The following MAGI1 variants were observed in gnomAD, a reference collection of about 807,000 sequenced individuals.
MAGI1 encodes membrane associated guanylate kinase, WW and PDZ domain containing 1, also known as membrane-associated guanylate kinase, WW and PDZ domain-containing protein 1.
MAGI1 carries 58 observed loss-of-function variants against 139.9 expected under a neutral mutation model. That is an observed-to-expected ratio of 0.41 (90% CI 0.34 to 0.52). MAGI1 has a LOEUF of 0.52. MAGI1 is among the 20% of genes least tolerant of loss of function. MAGI1 has a pLI of 0.12. For missense variants in MAGI1, 1,874 were observed against 1,901.6 expected (o/e 0.99, Z 0.27); for synonymous variants, 812 against 737.9 (o/e 1.10, Z -1.63).
At chr3:65,609,897 G>A (rs560220364) in intron 2 of MAGI1, 1 of 49,268 alleles carries the variant, frequency 2.0e-5, no homozygotes, top group East Asian at 3.1e-4. Flanking sequence ...TTTTTAAAGG[G>A]TCTCTGTTAG....
chr3:65,879,727 G>A (rs1383437931), intron 1 of MAGI1, among the ~76,000 whole-genome samples: 2 of 152,098 alleles, frequency 1.3e-5, no homozygotes, highest in Non-Finnish European at 2.9e-5. Context: ...GGAGCAAAAT[G>A]GTAGCATTAT....
In MAGI1 at chr3:66,038,009, C is replaced by A; in HGVS notation, c.300G>T (p.Lys100Asn). ...IDSCKEAVTF[K>N]AVRQGGRLNK... ...GCCCTGCCTTACCTTGTCTGACGGC[C>A]TTGAAGGTGACGGCCTCCTTGCAGC... is the stretch of plus-strand genomic sequence containing the variant. Residue 100 changes from lysine to asparagine, a missense_variant, in exon 1 of 23, where the codon AAG becomes AAT. Physicochemically the swap from Lys to Asn is moderately conservative, Grantham distance 94. This residue lies in a region of MAGI1 where 648 missense variants were observed against 598.1 expected (regional missense o/e 1.08). Coordinates refer to ENST00000402939, the MANE Select transcript of MAGI1 (RefSeq NM_001033057.2). The A allele has an allele frequency of 6.3e-7, 1 of 1,589,784 alleles. No individual in the cohort carries two copies. Among genetic ancestry groups the A allele is most frequent in the South Asian group, 1.1e-5 (1 of 87,172 alleles).
intron 1 of MAGI1, among the ~76,000 whole-genome samples, chr3:66,007,538 TA>T (rs1407998870): frequency 6.6e-6 from 1 of 152,156 alleles, no homozygotes; most frequent in African/African-American, 2.4e-5. Flanking sequence ...CTCAAGAGCA[TA>T]AATGTGCAGG....
At chr3:66,011,168 G>C (rs908838308) in intron 1 of MAGI1, among the ~76,000 whole-genome samples, 5 of 152,180 alleles carry the variant, frequency 3.3e-5, no homozygotes, top group African/African-American at 1.2e-4. Context: ...CAAAAGGTTG[G>C]AGATACCAGA....
intron 7 of MAGI1, 51 bp from the exon 8 acceptor site, chr3:65,442,900 C>A: frequency 6.9e-7 from 1 of 1,448,728 alleles, no homozygotes; most frequent in Non-Finnish European, 9.7e-7. Context: ...CTTGAAGAGC[C>A]TGGGTGTTTT....
chr3:65,361,395 T>A, intron 21 of MAGI1, 58 bp from the exon 22 acceptor site: 1 of 1,579,574 alleles, frequency 6.3e-7, no homozygotes, highest in Non-Finnish European at 8.7e-7. Context: ...ATTCACCAAA[T>A]GTTTATTAAG....
intron 17 of MAGI1, among the ~76,000 whole-genome samples, chr3:65,376,964 C>T (rs1942598643): frequency 6.6e-6 from 1 of 152,138 alleles, no homozygotes; most frequent in Non-Finnish European, 1.5e-5. Context: ...TCTAGTTAAT[C>T]ATGTATTGAG....
chr3:65,744,142 A>T (rs2035499838), intron 1 of MAGI1, among the ~76,000 whole-genome samples: 1 of 152,212 alleles, frequency 6.6e-6, no homozygotes, highest in Non-Finnish European at 1.5e-5. Flanking sequence ...AAACAGTGAA[A>T]GCTAACTTTT....
At chr3:65,658,257 T>C (rs995256833) in intron 1 of MAGI1, among the ~76,000 whole-genome samples, 1 of 135,568 alleles carries the variant, frequency 7.4e-6, no homozygotes, top group Non-Finnish European at 1.7e-5. Flanking sequence ...ATGTTACAGT[T>C]CTCTTTATAA....
chr3:65,578,345 T>C (rs1224212358), intron 2 of MAGI1, among the ~76,000 whole-genome samples: 1 of 151,922 alleles, frequency 6.6e-6, no homozygotes. Flanking sequence ...CTACCAACAT[T>C]TGCACACAAG....
At chr3:65,675,358 C>A (rs998008969) in intron 1 of MAGI1, among the ~76,000 whole-genome samples, 1 of 152,088 alleles carries the variant, frequency 6.6e-6, no homozygotes, top group African/African-American at 2.4e-5. Context: ...ATTTGGAAAG[C>A]TGCAGTCATC....
chr3:65,534,619 GACAA>G (rs1372139347), intron 2 of MAGI1, among the ~76,000 whole-genome samples: 2 of 152,162 alleles, frequency 1.3e-5, no homozygotes, highest in Non-Finnish European at 2.9e-5. Context: ...GAGCTAACAT[GACAA>G]ACAAACAAGA....
At chr3:66,014,773 A>G (rs1329539475) in intron 1 of MAGI1, among the ~76,000 whole-genome samples, 1 of 152,208 alleles carries the variant, frequency 6.6e-6, no homozygotes, top group Non-Finnish European at 1.5e-5. Context: ...GACACATGCT[A>G]TCTCATTCCG....
At chr3:65,484,895 T>C (rs1212693318) in intron 3 of MAGI1, among the ~76,000 whole-genome samples, 1 of 152,228 alleles carries the variant, frequency 6.6e-6, no homozygotes, top group African/African-American at 2.4e-5. Context: ...TAGCAGACTG[T>C]TTAATTAATC....
intron 13 of MAGI1, among the ~76,000 whole-genome samples, chr3:65,394,675 C>T (rs1944241975): frequency 1.7e-5 from 1 of 60,590 alleles, no homozygotes; most frequent in South Asian, 5.0e-4. Flanking sequence ...GAGGGGAGTT[C>T]AAAGTAATTT....
chr3:65,457,287 A>T (rs1344475053), intron 5 of MAGI1, among the ~76,000 whole-genome samples: 1 of 152,210 alleles, frequency 6.6e-6, no homozygotes, highest in Non-Finnish European at 1.5e-5. Context: ...CCTCAGCATA[A>T]TTCTCATCAA....
chr3:65,498,896 T>C (rs1320080790), intron 2 of MAGI1: 8 of 488,020 alleles, frequency 1.6e-5, no homozygotes, highest in Non-Finnish European at 2.1e-5. Context: ...TAGTGGCTAC[T>C]GGCCTGGTCA....
rs138069104 is a variant in MAGI1, at chr3:65,904,897, G to A, written c.313+133099C>T. ...CTTGAGGCTGCCCATCCCCTCTTTG[G>A]ACAGCATTTGGAGACAAAGCTTAAG... On this transcript the variant is annotated intron_variant, in intron 1 of 22. Coordinates refer to ENST00000402939, the MANE Select transcript of MAGI1 (RefSeq NM_001033057.2). 1.5e-3 allele frequency among the ~76,000 whole-genome samples: 232 copies of A among 152,170 alleles called. 3 individuals are homozygous for A. Among genetic ancestry groups the A allele is most frequent in the South Asian group, 7.7e-3 (37 of 4,816 alleles).
At chr3:65,469,079 C>T (rs1409358048) in intron 5 of MAGI1, among the ~76,000 whole-genome samples, 1 of 152,050 alleles carries the variant, frequency 6.6e-6, no homozygotes, top group African/African-American at 2.4e-5. Context: ...TTACTTAACT[C>T]AAACCCAACT....
Sources: allele counts gnomAD v4.1 joint callset (sites outside exome capture counted in the v4.1 genomes callset), GRCh38; gene constraint gnomAD v4.1.1; regional missense constraint gnomAD v4.1.1; transcripts MANE v1.5; gene names NCBI Gene and HGNC (gene_info 2026-07-23, HGNC 2026-07-21).